The following PPP1R11 variants were observed in gnomAD, a reference collection of about 807,000 sequenced individuals.
PPP1R11 encodes the protein protein phosphatase 1 regulatory inhibitor subunit 11, also known as E3 ubiquitin-protein ligase PPP1R11.
In PPP1R11, 10 loss-of-function variants were observed where a neutral mutation model predicts 11.3. That is an observed-to-expected ratio of 0.88 (90% CI 0.55 to 1.50). The LOEUF (loss-of-function observed/expected upper bound fraction) is 1.50. PPP1R11 is among the 40% of genes most tolerant of loss of function. The pLI is 0.00. For missense variants in PPP1R11, 114 were observed against 179.1 expected, an observed-to-expected ratio of 0.64 and a Z score of 2.07; for synonymous variants, 56 against 62.3, an observed-to-expected ratio of 0.90 and a Z score of 0.48.
upstream of PPP1R11, among the ~76,000 whole-genome samples, chr6:30,065,219 A>G (rs956281243): frequency 7.9e-5 from 12 of 152,230 alleles, no homozygotes; most frequent in African/African-American, 2.9e-4. This position sits in a 1 kb window ranked among gnomAD's most constrained non-coding sequence, Gnocchi z 5.3. Flanking sequence ...CTAAGTGATC[A>G]CTATAGGTGA....
chr6:30,061,541 T>C, the PPP1R11 span: 3 of 1,613,124 alleles, frequency 1.9e-6, no homozygotes, highest in Non-Finnish European at 2.5e-6. This position sits in a 1 kb window ranked among gnomAD's most constrained non-coding sequence, Gnocchi z 5.0. Context: ...GTCATGGACC[T>C]CGCCAATACT....
upstream of PPP1R11, among the ~76,000 whole-genome samples, chr6:30,065,672 A>C (rs1301076244): frequency 7.2e-5 from 11 of 152,166 alleles, no homozygotes; most frequent in Non-Finnish European, 1.6e-4. The surrounding 1 kb of genome is among the most constrained non-coding windows in gnomAD (Gnocchi z 5.3). Context: ...GATGAATTGT[A>C]TATCTATTAT....
At chr6:30,063,463 T>C (rs913239811), upstream of PPP1R11, among the ~76,000 whole-genome samples, 1 of 151,668 alleles carries the variant, frequency 6.6e-6, no homozygotes. The surrounding 1 kb of genome is among the most constrained non-coding windows in gnomAD (Gnocchi z 4.1). Context: ...ATCTCCTTAA[T>C]TTTTAAATAA....
chr6:30,068,543 G>T (rs751326115), intron 1 of PPP1R11, 47 bp from the exon 2 acceptor site: 1 of 1,514,868 alleles, frequency 6.6e-7, no homozygotes, highest in South Asian at 1.1e-5. Flanking sequence ...AGTGGGAAAG[G>T]TTAGTAAGAG....
chr6:30,061,369 T>G, the PPP1R11 span: 1 of 785,092 alleles, frequency 1.3e-6, no homozygotes. This position sits in a 1 kb window ranked among gnomAD's most constrained non-coding sequence, Gnocchi z 5.0. Context: ...TTCCGGGCGT[T>G]TCGGCTCCTT....
upstream of PPP1R11, among the ~76,000 whole-genome samples, chr6:30,064,262 T>C (rs556389485): frequency 1.4e-3 from 214 of 152,136 alleles, no homozygotes; most frequent in African/African-American, 4.8e-3. Flanking sequence ...TTTAAAAGTA[T>C]TTTTTTCCTA....
upstream of PPP1R11, among the ~76,000 whole-genome samples, chr6:30,065,505 A>G (rs73422320): frequency 0.025 from 3,770 of 152,226 alleles, 96 homozygotes; most frequent in African/African-American, 0.066. The surrounding 1 kb of genome is among the most constrained non-coding windows in gnomAD (Gnocchi z 5.3). Flanking sequence ...TATATGTATT[A>G]TAAGTATATA....
Position 30,069,047 on chromosome 6 carries a change from C to G in PPP1R11, c.179-57C>G. On this transcript the variant is annotated intron_variant, in intron 2 of 2. Transcript: ENST00000376772. This position sits in a 1 kb window ranked among gnomAD's most constrained non-coding sequence, Gnocchi z 6.6. ...TCACTGAGTTTGAGTGGGAATGGAA[C>G]TGACTATATATCTTACCCTTCCTCC... 6.8e-7 allele frequency: 1 copy of G among 1,478,870 alleles called. No homozygotes were observed. The highest frequency in any genetic ancestry group is 2.3e-5 in the East Asian group (1 of 44,188). 91.6% of individuals were successfully genotyped at this position (1,478,870 alleles called of 1,614,324 possible).
chr6:30,069,551 AGT>A lies in PPP1R11; in HGVS notation c.*248_*249del. The A allele has an allele frequency of 4.7e-6, 2 of 423,236 alleles. No individual in the cohort carries two copies. The highest frequency in any genetic ancestry group is 5.9e-4 in the Middle Eastern group (1 of 1,692). 26.2% of individuals were successfully genotyped at this position (423,236 alleles called of 1,614,324 possible). A position where few individuals can be genotyped will look rare whatever the true frequency, so the allele number is the denominator to read the frequency against. ...CGAGGGATCTAGGCACCTTGGTCCC[AGT>A]GTCTTCCTTTTGTTCTCACTGCCAA... On this transcript the variant is annotated 3_prime_UTR_variant, in exon 3 of 3. Coordinates refer to ENST00000376772, the MANE Select transcript of PPP1R11 (RefSeq NM_021959.3). This position sits in a 1 kb window ranked among gnomAD's most constrained non-coding sequence, Gnocchi z 6.6.
At chr6:30,067,124 G>A (rs1765595888), upstream of PPP1R11, 4 of 420,090 alleles carry the variant, frequency 9.5e-6, no homozygotes, top group Admixed American at 4.0e-5. Context: ...ACGTTACGGC[G>A]GAACTAATCC....
upstream of PPP1R11, among the ~76,000 whole-genome samples, chr6:30,064,210 A>G (rs999089209): frequency 2.6e-5 from 4 of 152,052 alleles, no homozygotes; most frequent in African/African-American, 7.2e-5. Flanking sequence ...CTTTCTTGCC[A>G]TCTCATCAAA....
In PPP1R11 at chr6:30,069,560, CT is replaced by C. The variant is rs1372838993; in HGVS notation, c.*258del. 2 of 414,766 alleles carry C rather than the reference CT, an allele frequency of 4.8e-6. No individual in the cohort carries two copies. The highest frequency in any genetic ancestry group is 4.1e-5 in the African/African-American group (2 of 49,108). 25.7% of individuals were successfully genotyped at this position (414,766 alleles called of 1,614,324 possible). A position where few individuals can be genotyped will look rare whatever the true frequency, so the allele number is the denominator to read the frequency against. ...TAGGCACCTTGGTCCCAGTGTCTTCCTTTTGTTCTCACTGCCAAACTGCCTG... is the reference window on the plus strand; with the variant it reads ...TAGGCACCTTGGTCCCAGTGTCTTCCTTTGTTCTCACTGCCAAACTGCCTG... On this transcript the variant is annotated 3_prime_UTR_variant, in exon 3 of 3. Transcript: ENST00000376772. The surrounding 1 kb of genome is among the most constrained non-coding windows in gnomAD (Gnocchi z 6.6).
chr6:30,068,764 T>G (rs1467811909), intron 2 of PPP1R11, 66 bp downstream of exon 2: 18 of 1,377,704 alleles, frequency 1.3e-5, no homozygotes, highest in Non-Finnish European at 1.7e-5. Context: ...TTGTATCTAC[T>G]CATATCCACT....
chr6:30,064,327 A>AT (rs1197347560), upstream of PPP1R11, among the ~76,000 whole-genome samples: 7 of 150,412 alleles, frequency 4.7e-5, no homozygotes, highest in Admixed American at 1.3e-4. Flanking sequence ...TAAAAAGAAG[A>AT]TTTTTTTTCC....
chr6:30,061,947 T>C, upstream of PPP1R11: 3 of 1,612,986 alleles, frequency 1.9e-6, no homozygotes, highest in African/African-American at 2.7e-5. The surrounding 1 kb of genome is among the most constrained non-coding windows in gnomAD (Gnocchi z 5.0). Flanking sequence ...AAGACTTCGG[T>C]TGTGTTCCAC....
chr6:30,061,807 G>A, upstream of PPP1R11: 1 of 1,551,860 alleles, frequency 6.4e-7, no homozygotes, highest in Non-Finnish European at 8.8e-7. This position sits in a 1 kb window ranked among gnomAD's most constrained non-coding sequence, Gnocchi z 5.0. Context: ...GATGAAAACT[G>A]AGGGAAAGGA....
In PPP1R11 at chr6:30,069,057, A is replaced by C; in HGVS notation, c.179-47A>C. On this transcript the variant is annotated intron_variant, in intron 2 of 2. Transcript: ENST00000376772. This position sits in a 1 kb window ranked among gnomAD's most constrained non-coding sequence, Gnocchi z 6.6. ...TGAGTGGGAATGGAACTGACTATAT[A>C]TCTTACCCTTCCTCCTCTTTAACTG... is the stretch of plus-strand genomic sequence containing the variant. 1 of 1,510,042 alleles carries C rather than the reference A, an allele frequency of 6.6e-7. No individual in the cohort carries two copies. The highest frequency in any genetic ancestry group is 9.2e-7 in the Non-Finnish European group (1 of 1,088,966). 93.5% of individuals were successfully genotyped at this position (1,510,042 alleles called of 1,614,324 possible).
chr6:30,068,517 A>T, intron 1 of PPP1R11, 73 bp from the exon 2 acceptor site: 1 of 1,210,910 alleles, frequency 8.3e-7, no homozygotes. Flanking sequence ...AAAAGAGAGG[A>T]GGTTCCCTGG....
In PPP1R11 at chr6:30,067,327, C is replaced by T. The variant is rs745974121; in HGVS notation, c.-84C>T. 152 of 1,397,600 alleles carry T rather than the reference C, an allele frequency of 1.1e-4. No homozygotes were observed. The highest frequency in any genetic ancestry group is 1.5e-4 in the Non-Finnish European group (144 of 992,254). 86.6% of individuals were successfully genotyped at this position (1,397,600 alleles called of 1,614,324 possible). A position where few individuals can be genotyped will look rare whatever the true frequency, so the allele number is the denominator to read the frequency against. ...CTGGCTACCACTCTGAATCCGATACCGCTTCTCTTAGACCTCAGCGACAGA... is the reference window on the plus strand; with the variant it reads ...CTGGCTACCACTCTGAATCCGATACTGCTTCTCTTAGACCTCAGCGACAGA... On this transcript the variant is annotated 5_prime_UTR_variant, in exon 1 of 3. Transcript: ENST00000376772.
Sources: allele counts gnomAD v4.1 joint callset (sites outside exome capture counted in the v4.1 genomes callset), GRCh38; gene constraint gnomAD v4.1.1; non-coding constraint Gnocchi (gnomAD v3.1); transcripts MANE v1.5; gene names NCBI Gene and HGNC (gene_info 2026-07-23, HGNC 2026-07-21).